Variants in VAV2 observed in about 807,000 individuals in gnomAD.
VAV2 encodes guanine nucleotide exchange factor VAV2.
A neutral mutation model predicts 132.5 loss-of-function variants in VAV2; 67 were observed. That is an observed-to-expected ratio of 0.51 (90% CI 0.42 to 0.62). The LOEUF is 0.62. Ranked by LOEUF, VAV2 falls within the 20% of genes least tolerant of loss-of-function variation. The probability of loss-of-function intolerance (pLI) is 0.00; values close to 1 mark genes in which losing one functional copy is unlikely to be tolerated. For missense variants in VAV2, 938 were observed against 1,153.6 expected (o/e 0.81, Z 2.71); for synonymous variants, 492 against 443.5 (o/e 1.11, Z -1.37).
intron 12 of VAV2, among the ~76,000 whole-genome samples, chr9:133,792,241 CTGTG>C (rs1205138739): frequency 9.6e-6 from 1 of 104,062 alleles, no homozygotes; most frequent in African/African-American, 3.9e-5. Flanking sequence ...GTGTGTGTGA[CTGTG>C]TGTATAAGCG....
At chr9:133,770,005 G>C (rs192765371) in intron 27 of VAV2, among the ~76,000 whole-genome samples, 1 of 152,344 alleles carries the variant, frequency 6.6e-6, no homozygotes, top group Admixed American at 6.5e-5. Context: ...GCCTCTCACA[G>C]AGGAGGCCCA....
At chr9:133,850,676 C>T (rs1837131907) in intron 3 of VAV2, among the ~76,000 whole-genome samples, 1 of 152,140 alleles carries the variant, frequency 6.6e-6, no homozygotes. Context: ...GAAATGTGAG[C>T]CAGCAGGGCC....
Position 133,869,298 on chromosome 9 carries a change from A to C in VAV2, c.322-7866T>G, listed in dbSNP as rs74533946. Among the ~76,000 whole-genome samples, 1,031 of 152,056 alleles carry C rather than the reference A, an allele frequency of 6.8e-3. 10 individuals carry two copies. The highest frequency in any genetic ancestry group is 0.023 in the African/African-American group (974 of 41,504). ...CCACCACACCCAGTCCCATCTCTTA[A>C]ACAACGACAACAACAAAGTCTTTAA... On this transcript the variant is annotated intron_variant, in intron 2 of 29. Coordinates refer to ENST00000371850, the MANE Select transcript of VAV2 (RefSeq NM_001134398.2).
chr9:133,825,901 C>T (rs545149679), intron 4 of VAV2, among the ~76,000 whole-genome samples: 8 of 152,216 alleles, frequency 5.3e-5, no homozygotes, highest in Non-Finnish European at 1.2e-4. Context: ...ACTCCTTCTA[C>T]ATTTTATGCA....
chr9:133,802,323 T>TAC lies in VAV2; in HGVS notation c.836+3756_836+3757dup, dbSNP rs58155949. Among the ~76,000 whole-genome samples the TAC allele has an allele frequency of 0.15, 21,442 of 142,008 alleles. 1,701 individuals carry two copies. Among genetic ancestry groups the TAC allele is most frequent in the East Asian group, 0.26 (1,181 of 4,556 alleles). 93.2% of individuals were successfully genotyped at this position (142,008 alleles called of 152,430 possible). A position where few individuals can be genotyped will look rare whatever the true frequency, so the allele number is the denominator to read the frequency against. The stretch of plus-strand genomic sequence containing the variant: ...GCACACAAACACACAAGCACGCGTG[T>TAC]ACACACACACACACACACACACACA... On this transcript the variant is annotated intron_variant, in intron 9 of 29. Transcript: ENST00000371850. This position sits in a 1 kb window ranked among gnomAD's most constrained non-coding sequence, Gnocchi z 5.8.
intron 1 of VAV2, among the ~76,000 whole-genome samples, chr9:133,978,401 A>G (rs11999854): frequency 0.017 from 2,571 of 152,324 alleles, 78 homozygotes; most frequent in African/African-American, 0.058. Context: ...TTCAAAGAAC[A>G]CAGGGCTGGG....
At position 133,776,511 on chromosome 9, in the gene VAV2, T is replaced by C. The variant is rs539772848; in HGVS notation, c.1966-431A>G. Among the ~76,000 whole-genome samples, 452 of 152,228 alleles carry C rather than the reference T, an allele frequency of 3.0e-3. 3 individuals carry two copies. The highest frequency in any genetic ancestry group is 0.011 in the African/African-American group (439 of 41,542). ...GAGCAGGTAGGGCTCCCTCCCTGGC[T>C]ACAGCCCCCCACCCTGGCCTCACTG... On this transcript the variant is annotated intron_variant, in intron 23 of 29. Coordinates refer to ENST00000371850, the MANE Select transcript of VAV2 (RefSeq NM_001134398.2).
intron 2 of VAV2, among the ~76,000 whole-genome samples, chr9:133,933,484 G>GATGA (rs1840759723): frequency 7.0e-5 from 1 of 14,364 alleles, no homozygotes; most frequent in Non-Finnish European, 2.7e-4. Context: ...TGGATGAGTG[G>GATGA]ATGGATGGAT....
chr9:133,822,014 G>A (rs563853136), intron 4 of VAV2, among the ~76,000 whole-genome samples: 6 of 152,310 alleles, frequency 3.9e-5, no homozygotes, highest in Admixed American at 6.5e-5. Flanking sequence ...CCCCGAGCAC[G>A]GCTGTAGCTC....
intron 15 of VAV2, among the ~76,000 whole-genome samples, chr9:133,787,923 C>T (rs1309112201): frequency 6.6e-6 from 1 of 152,220 alleles, no homozygotes; most frequent in Non-Finnish European, 1.5e-5. Context: ...GACCTACCCA[C>T]AGCCCTCCTC....
At position 133,781,645 on chromosome 9, in the gene VAV2, C is replaced by T. The variant is rs185356533; in HGVS notation, c.1724-935G>A. On this transcript the variant is annotated intron_variant, in intron 19 of 29. Transcript: ENST00000371850. ...CGGCAGAGCCCAGGGGTGAAGGCTA[C>T]AATGGTCAAAGGAGCACTTTCCAGA... Among the ~76,000 whole-genome samples, 919 of 152,304 alleles carry T rather than the reference C, an allele frequency of 6.0e-3. 18 individuals are homozygous for T. The highest frequency in any genetic ancestry group is 0.039 in the Admixed American group (597 of 15,300).
At chr9:133,902,823 G>A (rs1461059225) in intron 2 of VAV2, among the ~76,000 whole-genome samples, 3 of 152,170 alleles carry the variant, frequency 2.0e-5, no homozygotes, top group African/African-American at 7.2e-5. Context: ...TGTAACCCCA[G>A]CACTTTGGGA....
chr9:133,776,473 C>T (rs1833816061), intron 23 of VAV2, among the ~76,000 whole-genome samples: 1 of 152,210 alleles, frequency 6.6e-6, no homozygotes, highest in South Asian at 2.1e-4. Context: ...CAGGCAGGTG[C>T]TGCCGCTCCA....
At chr9:133,877,452 C>T (rs922064237) in intron 2 of VAV2, among the ~76,000 whole-genome samples, 1 of 152,174 alleles carries the variant, frequency 6.6e-6, no homozygotes, top group Admixed American at 6.5e-5. Context: ...GTGACACGTT[C>T]GGCTCTGGGC....
rs938566051 is a variant in VAV2, at chr9:133,794,058, C to T, written c.1101+1610G>A. 2.6e-5 allele frequency among the ~76,000 whole-genome samples: 4 copies of T among 152,102 alleles called. No homozygotes were observed. The highest frequency in any genetic ancestry group is 7.2e-5 in the African/African-American group (3 of 41,404). On this transcript the variant is annotated intron_variant, in intron 12 of 29. Coordinates refer to ENST00000371850, the MANE Select transcript of VAV2 (RefSeq NM_001134398.2). This position sits in a 1 kb window ranked among gnomAD's most constrained non-coding sequence, Gnocchi z 4.6. ...CTACACTCCTGGGAAACCATCCCGTCGAGGGGCTCAGAGCCACTCGCCAGC... is the reference window on the plus strand; with the variant it reads ...CTACACTCCTGGGAAACCATCCCGTTGAGGGGCTCAGAGCCACTCGCCAGC...
chr9:133,838,048 C>A (rs1335512841), intron 3 of VAV2, among the ~76,000 whole-genome samples: 4 of 152,140 alleles, frequency 2.6e-5, no homozygotes, highest in Non-Finnish European at 4.4e-5. Context: ...GGACCGTGCA[C>A]GGCCTCAGCG....
rs182520088 is a variant in VAV2, at chr9:133,962,612, C to G, written c.205-23393G>C. On this transcript the variant is annotated intron_variant, in intron 1 of 29. Coordinates refer to ENST00000371850, the MANE Select transcript of VAV2 (RefSeq NM_001134398.2). The stretch of plus-strand genomic sequence containing the variant: ...CTCTCCAAGCACAGTTAGCAGAAGC[C>G]CCTCCCCGCCCCACCCCCCACAAAG... Among the ~76,000 whole-genome samples the G allele has an allele frequency of 6.0e-4, 91 of 152,208 alleles. 1 individual carries two copies. Among genetic ancestry groups the G allele is most frequent in the Admixed American group, 4.6e-3 (71 of 15,298 alleles).
Position 133,769,430 on chromosome 9 carries a change from A to G in VAV2, c.2421T>C (p.Ala807=). Residue 807 remains alanine, a synonymous_variant, in exon 28 of 30, where the codon GCT becomes GCC. Transcript: ENST00000371850. This position sits in a 1 kb window ranked among gnomAD's most constrained non-coding sequence, Gnocchi z 8.1. ...GLSFASQGPS[A]PFWSVFTPRV... ...GAGCAGCGGTACCTGACCAGAAGGG[A>G]GCGGAGGGGCCCTGAGAAGCAAAGC... 6.2e-7 allele frequency: 1 copy of G among 1,612,524 alleles called. No homozygotes were observed. Among genetic ancestry groups the G allele is most frequent in the Non-Finnish European group, 8.5e-7 (1 of 1,179,370 alleles).
chr9:133,792,689 C>A (rs1378538260), intron 12 of VAV2, among the ~76,000 whole-genome samples: 1 of 109,218 alleles, frequency 9.2e-6, no homozygotes, highest in African/African-American at 3.4e-5. Context: ...CCCCCCCCCC[C>A]ACCCCCCACC....
Sources: allele counts gnomAD v4.1 joint callset (sites outside exome capture counted in the v4.1 genomes callset), GRCh38; gene constraint gnomAD v4.1.1; non-coding constraint Gnocchi (gnomAD v3.1); transcripts MANE v1.5; gene names NCBI Gene and HGNC (gene_info 2026-07-23, HGNC 2026-07-21).